The following XPNPEP1 variants were observed in gnomAD, a reference collection of about 807,000 sequenced individuals.
XPNPEP1 encodes xaa-Pro aminopeptidase 1.
XPNPEP1 carries 39 observed loss-of-function variants against 92.4 expected under a neutral mutation model. That is an observed-to-expected ratio of 0.42 (90% CI 0.33 to 0.55). The LOEUF (loss-of-function observed/expected upper bound fraction) is 0.55. XPNPEP1 is among the 20% of genes least tolerant of loss of function. XPNPEP1 has a pLI of 0.08. For synonymous variants in XPNPEP1, 307 were observed against 299.4 expected, an observed-to-expected ratio of 1.03 and a Z score of -0.26; for missense variants, 654 against 856.1, an observed-to-expected ratio of 0.76 and a Z score of 2.95.
chr10:109,923,488 C>T lies in XPNPEP1; in HGVS notation c.-55G>A. 4.5e-6 allele frequency: 6 copies of T among 1,335,098 alleles called. No homozygotes were observed. The highest frequency in any genetic ancestry group is 5.8e-6 in the Non-Finnish European group (6 of 1,035,034). The allele number at this position is 1,335,098 out of a possible 1,614,324, so 82.7% of individuals were successfully genotyped here. A position where few individuals can be genotyped will look rare whatever the true frequency, so the allele number is the denominator to read the frequency against. On this transcript the variant is annotated 5_prime_UTR_variant, in exon 1 of 21. Coordinates refer to ENST00000502935, the MANE Select transcript of XPNPEP1 (RefSeq NM_020383.4). ...GGGGAGCGCAGACCAGCTGATCACC[C>T]GCGGAAGGGCCGGCGCGAAGGAGGC...
At chr10:109,880,553 T>C (rs554697260) in intron 11 of XPNPEP1, among the ~76,000 whole-genome samples, 2 of 152,278 alleles carry the variant, frequency 1.3e-5, no homozygotes, top group East Asian at 1.9e-4. Flanking sequence ...CAGGCCACTA[T>C]CAAAAGCCAC....
intron 3 of XPNPEP1, among the ~76,000 whole-genome samples, chr10:109,899,879 C>G (rs1258926311): frequency 6.6e-6 from 1 of 152,238 alleles, no homozygotes; most frequent in Non-Finnish European, 1.5e-5. Flanking sequence ...CTGACTCCAA[C>G]CAAGGATTCT....
chr10:109,871,857 C>A lies in XPNPEP1; in HGVS notation c.1457G>T (p.Cys486Phe). The A allele has an allele frequency of 3.1e-6, 5 of 1,613,872 alleles. No homozygotes were observed. The highest frequency in any genetic ancestry group is 4.2e-6 in the Non-Finnish European group (5 of 1,179,926). ...FGTPTAYEKE[C>F]FTYVLKGHIA... ...GTGGCCCTTGAGGACATATGTGAAGCATTCCTGCAAAGAAAACCCAGGGGC... is the reference window on the plus strand; with the variant it reads ...GTGGCCCTTGAGGACATATGTGAAGAATTCCTGCAAAGAAAACCCAGGGGC... The change falls in exon 17 of 21, where the codon TGC becomes TTC. Residue 486 changes from cysteine (C) to phenylalanine (F), a missense_variant. Physicochemically the swap from Cys to Phe is radical, Grantham distance 205. Coordinates refer to ENST00000502935, the MANE Select transcript of XPNPEP1 (RefSeq NM_020383.4).
chr10:109,884,394 T>C, intron 8 of XPNPEP1: 1 of 463,832 alleles, frequency 2.2e-6, no homozygotes, highest in Non-Finnish European at 3.8e-6. Context: ...GAGAAGGGAA[T>C]AAAAGCTATT....
chr10:109,888,531 A>C lies in XPNPEP1; in HGVS notation c.480T>G (p.Val160=), dbSNP rs746297430. Reference sequence around the variant, plus strand: ...TAGGAATGATCAAGGGGTCCACACCAACCCTGGATCCTTCAGGAAGCACAC... The same window carrying C: ...TAGGAATGATCAAGGGGTCCACACCCACCCTGGATCCTTCAGGAAGCACAC... ...LVSVLPEGSR[V]GVDPLIIPTD... Residue 160 remains valine (V), a synonymous_variant, in exon 6 of 21, where the codon GTT becomes GTG. Transcript: ENST00000502935. 6 of 1,611,762 alleles carry C rather than the reference A, an allele frequency of 3.7e-6. No homozygotes were observed. The highest frequency in any genetic ancestry group is 5.1e-6 in the Non-Finnish European group (6 of 1,178,872).
At chr10:109,903,295 G>C (rs1823361903) in intron 3 of XPNPEP1, among the ~76,000 whole-genome samples, 1 of 152,162 alleles carries the variant, frequency 6.6e-6, no homozygotes, top group South Asian at 2.1e-4. Context: ...TCCCCTGGAG[G>C]TAAAGATTCA....
intron 14 of XPNPEP1, 31 bp downstream of exon 14, chr10:109,877,759 G>A (rs767769913): frequency 1.7e-5 from 28 of 1,613,778 alleles, no homozygotes; most frequent in Non-Finnish European, 2.4e-5. Context: ...AAGCAGCAAG[G>A]CCAGGCAGCA....
At chr10:109,877,949 T>C (rs768857422) in intron 13 of XPNPEP1, 51 bp downstream of exon 13, 4 of 1,614,188 alleles carry the variant, frequency 2.5e-6, no homozygotes, top group South Asian at 2.2e-5. Flanking sequence ...CTCATTCAAC[T>C]AGCAAGAAAA....
At chr10:109,905,916 AT>A (rs1008305618) in intron 3 of XPNPEP1, among the ~76,000 whole-genome samples, 3 of 152,112 alleles carry the variant, frequency 2.0e-5, no homozygotes, top group Non-Finnish European at 4.4e-5. Flanking sequence ...TTGCTTATTC[AT>A]TTCAAGCCCT....
At chr10:109,865,926 A>G (rs1847115819) in intron 20 of XPNPEP1, among the ~76,000 whole-genome samples, 1 of 152,174 alleles carries the variant, frequency 6.6e-6, no homozygotes, top group South Asian at 2.1e-4. Flanking sequence ...GAAAGGAAGG[A>G]CCTGCTGGCA....
intron 12 of XPNPEP1, among the ~76,000 whole-genome samples, chr10:109,878,835 C>A (rs988990608): frequency 1.3e-5 from 2 of 151,098 alleles, no homozygotes; most frequent in East Asian, 3.9e-4. Flanking sequence ...TGTGATCACA[C>A]CACTACTCTC....
In XPNPEP1 at chr10:109,884,129, T is replaced by A; in HGVS notation, c.768A>T (p.Gly256=). 6.2e-7 allele frequency: 1 copy of A among 1,613,926 alleles called. No homozygotes were observed. Among genetic ancestry groups the A allele is most frequent in the Non-Finnish European group, 8.5e-7 (1 of 1,179,934 alleles). ...DEIAWLFNLR[G]SDVEHNPVFF... Reference sequence around the variant, plus strand: ...ATACTGGATTGTGCTCCACATCTGATCCTCGGAGATTAAATAGCCCTAGAA... The same window carrying A: ...ATACTGGATTGTGCTCCACATCTGAACCTCGGAGATTAAATAGCCCTAGAA... The change falls in exon 9 of 21, where the codon GGA becomes GGT. Residue 256 remains glycine (G), a synonymous_variant. Transcript: ENST00000502935.
intron 7 of XPNPEP1, 51 bp downstream of exon 7, chr10:109,887,998 G>A (rs772508837): frequency 1.9e-6 from 3 of 1,604,690 alleles, no homozygotes; most frequent in South Asian, 1.1e-5. Flanking sequence ...AATAGCAAGA[G>A]GTGGGGGGAC....
At chr10:109,917,024 A>G (rs1850230464) in intron 1 of XPNPEP1, among the ~76,000 whole-genome samples, 1 of 150,518 alleles carries the variant, frequency 6.6e-6, no homozygotes, top group African/African-American at 2.5e-5. Flanking sequence ...TTAATGCTGA[A>G]AGACTGAATG....
chr10:109,923,131 T>G (rs945339150), intron 1 of XPNPEP1: 2 of 979,638 alleles, frequency 2.0e-6, no homozygotes, highest in African/African-American at 3.5e-5. Flanking sequence ...TCAGGCCGAG[T>G]GCAGCAGTTC....
chr10:109,899,817 G>A (rs1220090437), intron 3 of XPNPEP1, among the ~76,000 whole-genome samples: 2 of 152,222 alleles, frequency 1.3e-5, no homozygotes, highest in African/African-American at 4.8e-5. Flanking sequence ...TGGGGTCTAC[G>A]GATGAGGAGG....
chr10:109,921,187 C>G (rs1850517865), intron 1 of XPNPEP1, among the ~76,000 whole-genome samples: 1 of 152,126 alleles, frequency 6.6e-6, no homozygotes, highest in Non-Finnish European at 1.5e-5. Flanking sequence ...AAGAATATAC[C>G]TCAGGGACTA....
At chr10:109,871,947 G>C in intron 16 of XPNPEP1, 86 bp from the exon 17 acceptor site, 1 of 1,364,382 alleles carries the variant, frequency 7.3e-7, no homozygotes. Context: ...AATCCTGCCT[G>C]CTAAAGTTTT....
Position 109,882,469 on chromosome 10 carries a change from T to A in XPNPEP1, c.1004A>T (p.Asp335Val). The A allele has an allele frequency of 6.2e-7, 1 of 1,614,182 alleles. No homozygotes were observed. The highest frequency in any genetic ancestry group is 8.5e-7 in the Non-Finnish European group (1 of 1,180,006). ...LSPREKVWVS[D>V]KASYAVSETI... is the part of the protein sequence containing the mutation. ...CTCGCTCACAGCATAGCTGGCCTTGTCACTGACCCACACCTTCTCCCTTGG... is the reference window on the plus strand; with the variant it reads ...CTCGCTCACAGCATAGCTGGCCTTGACACTGACCCACACCTTCTCCCTTGG... The change falls in exon 10 of 21, where the codon GAC becomes GTC. Residue 335 changes from aspartate (D) to valine (V), a missense_variant. Asp to Val is a radical substitution (Grantham distance 152). Coordinates refer to ENST00000502935, the MANE Select transcript of XPNPEP1 (RefSeq NM_020383.4).
Sources: allele counts gnomAD v4.1 joint callset (sites outside exome capture counted in the v4.1 genomes callset), GRCh38; gene constraint gnomAD v4.1.1; transcripts MANE v1.5; gene names NCBI Gene and HGNC (gene_info 2026-07-23, HGNC 2026-07-21).